The following ANP32B variants were observed in gnomAD, a reference collection of about 807,000 sequenced individuals.
The protein encoded by ANP32B is acidic nuclear phosphoprotein 32 family member B.
Under a neutral mutation model 32.2 loss-of-function variants are expected in ANP32B, and 6 were observed. The observed-to-expected ratio is 0.19, with a 90% CI of 0.10 to 0.37. ANP32B has a LOEUF of 0.37. Ranked by LOEUF, ANP32B falls within the 10% of genes least tolerant of loss-of-function variation. The pLI, the probability that ANP32B is intolerant of heterozygous loss-of-function variation, is 1.00. For synonymous variants in ANP32B, 98 were observed against 105.8 expected, an observed-to-expected ratio of 0.93 and a Z score of 0.45; for missense variants, 204 against 289.2, an observed-to-expected ratio of 0.71 and a Z score of 2.14.
intron 1 of ANP32B, among the ~76,000 whole-genome samples, chr9:97,984,079 G>A (rs943279409): frequency 6.7e-6 from 1 of 149,954 alleles, no homozygotes; most frequent in Non-Finnish European, 1.5e-5. Flanking sequence ...CGCGGGTGGG[G>A]CGGGACGGGG....
At chr9:98,013,152 A>G (rs1421535581) in intron 6 of ANP32B, among the ~76,000 whole-genome samples, 1 of 152,170 alleles carries the variant, frequency 6.6e-6, no homozygotes, top group Non-Finnish European at 1.5e-5. Context: ...CCTCCTCAGT[A>G]GCTGGGATTA....
intron 1 of ANP32B, among the ~76,000 whole-genome samples, chr9:97,988,896 T>G (rs1437571486): frequency 6.6e-6 from 1 of 152,212 alleles, no homozygotes; most frequent in African/African-American, 2.4e-5. Context: ...CCAGTATTGT[T>G]CTAATTAAAA....
intron 4 of ANP32B, among the ~76,000 whole-genome samples, chr9:98,010,262 G>GTGTT (rs1564141451): frequency 7.2e-6 from 1 of 138,832 alleles, no homozygotes; most frequent in Non-Finnish European, 1.6e-5. Flanking sequence ...GAGAAATGGT[G>GTGTT]TTTTTTTTTT....
At chr9:97,995,044 C>T (rs1028670501) in intron 2 of ANP32B, among the ~76,000 whole-genome samples, 2 of 152,170 alleles carry the variant, frequency 1.3e-5, no homozygotes, top group Non-Finnish European at 2.9e-5. Flanking sequence ...GGAAATAATG[C>T]ATGTTGGGTG....
intron 5 of ANP32B, 125 bp downstream of exon 5, chr9:98,011,514 T>C (rs1348325774): frequency 1.5e-6 from 2 of 1,330,158 alleles, no homozygotes; most frequent in African/African-American, 3.0e-5. Context: ...GTGAATACAT[T>C]TACAATATGA....
At chr9:97,996,192 G>C (rs1827903278) in intron 2 of ANP32B, among the ~76,000 whole-genome samples, 1 of 152,080 alleles carries the variant, frequency 6.6e-6, no homozygotes, top group Admixed American at 6.5e-5. Context: ...TAGCTTTTTA[G>C]CATCTATTTA....
chr9:97,983,458 A>C lies in ANP32B; in HGVS notation c.-98A>C. 1 of 1,163,816 alleles carries C rather than the reference A, an allele frequency of 8.6e-7. No individual in the cohort carries two copies. The highest frequency in any genetic ancestry group is 1.2e-6 in the Non-Finnish European group (1 of 813,422). The allele number at this position is 1,163,816 out of a possible 1,614,324, so 72.1% of individuals were successfully genotyped here. On this transcript the variant is annotated 5_prime_UTR_variant, in exon 1 of 7. Coordinates refer to ENST00000339399, the MANE Select transcript of ANP32B (RefSeq NM_006401.3). ...GCGCCGCCGGCCTCCGCCGCTAGCA[A>C]ACCCTTCCGACGGCCCTCGCTGCGC...
At chr9:98,005,605 A>G (rs539133886) in intron 4 of ANP32B, among the ~76,000 whole-genome samples, 2 of 152,212 alleles carry the variant, frequency 1.3e-5, no homozygotes, top group East Asian at 3.9e-4. Flanking sequence ...TTTTGAATGT[A>G]GGCATTCCAT....
Position 97,994,634 on chromosome 9 carries a change from C to T in ANP32B, c.58C>T (p.Arg20Ter). ...CTTTTTTCTTTGTCATCCACAGGTT[C>T]GAGAACTTGTCTTGGACAATTGCAA... ...ELRNRTPAAV[R>*]ELVLDNCKSN... is the part of the protein sequence containing the mutation. The change falls in exon 2 of 7, where the codon CGA becomes TGA. Residue 20 changes from arginine (R) to a stop codon, truncating the protein, a stop_gained. Coordinates refer to ENST00000339399, the MANE Select transcript of ANP32B (RefSeq NM_006401.3). LOFTEE classifies it high-confidence loss of function. 6.2e-7 allele frequency: 1 copy of T among 1,601,016 alleles called. No homozygotes were observed. The highest frequency in any genetic ancestry group is 8.5e-7 in the Non-Finnish European group (1 of 1,176,696).
chr9:97,986,786 G>C (rs1338169826), intron 1 of ANP32B: 1 of 152,190 alleles, frequency 6.6e-6, no homozygotes, highest in Non-Finnish European at 1.5e-5. Flanking sequence ...CCTTGTTGAA[G>C]GTATACTGTT....
intron 4 of ANP32B, among the ~76,000 whole-genome samples, chr9:98,006,405 C>T (rs888847203): frequency 4.6e-5 from 7 of 152,132 alleles, no homozygotes; most frequent in African/African-American, 1.7e-4. Flanking sequence ...CTTCCATCCA[C>T]ACCTCTTTCC....
chr9:97,984,594 C>G (rs969258466), intron 1 of ANP32B: 3 of 150,932 alleles, frequency 2.0e-5, no homozygotes, highest in Non-Finnish European at 4.4e-5. Flanking sequence ...TTGGCGGGTG[C>G]CCGTCTCCCT....
Position 98,015,609 on chromosome 9 carries a change from C to T in ANP32B, c.*178C>T, listed in dbSNP as rs1200454095. The T allele has an allele frequency of 7.6e-7, 1 of 1,323,644 alleles. No homozygotes were observed. Among genetic ancestry groups the T allele is most frequent in the African/African-American group, 1.5e-5 (1 of 67,410 alleles). The allele number at this position is 1,323,644 out of a possible 1,614,324, so 82.0% of individuals were successfully genotyped here. On this transcript the variant is annotated 3_prime_UTR_variant, in exon 7 of 7. Coordinates refer to ENST00000339399, the MANE Select transcript of ANP32B (RefSeq NM_006401.3). The stretch of plus-strand genomic sequence containing the variant: ...TCCGCCTTCCTTCCATGTAGTCCCT[C>T]TTGGTAATCTACCACCAAGCTTGTG...
At chr9:97,988,744 T>C (rs1446744492) in intron 1 of ANP32B, among the ~76,000 whole-genome samples, 1 of 151,982 alleles carries the variant, frequency 6.6e-6, no homozygotes, top group Non-Finnish European at 1.5e-5. Context: ...AATAAAATAA[T>C]AAAAAGTTCT....
chr9:98,002,872 C>T (rs1370129978), intron 3 of ANP32B, among the ~76,000 whole-genome samples: 2 of 152,120 alleles, frequency 1.3e-5, no homozygotes, highest in Non-Finnish European at 2.9e-5. Context: ...GGAAATAATT[C>T]TGAAATATAA....
intron 3 of ANP32B, among the ~76,000 whole-genome samples, chr9:98,000,036 T>C (rs1032050153): frequency 3.3e-5 from 5 of 152,256 alleles, no homozygotes; most frequent in Admixed American, 6.5e-5. Flanking sequence ...TAGCTTCTTT[T>C]AATGAAGAGG....
chr9:98,009,447 C>T (rs1828142849), intron 4 of ANP32B, among the ~76,000 whole-genome samples: 2 of 152,218 alleles, frequency 1.3e-5, no homozygotes, highest in African/African-American at 2.4e-5. Flanking sequence ...AGTTTTTCCA[C>T]AGATGCAGGG....
rs991523817 is a variant in ANP32B at position 97,998,586 on chromosome 9, G to A, written c.235G>A (p.Gly79Ser). 6.2e-7 allele frequency: 1 copy of A among 1,610,784 alleles called. No individual in the cohort carries two copies. Among genetic ancestry groups the A allele is most frequent in the African/African-American group, 1.3e-5 (1 of 74,774 alleles). ...LELSENRIFG[G>S]LDMLAEKLPN... ...ACTCAGTGAAAATAGAATCTTTGGAGGTCTGGACATGTTAGCTGAAAAACT... is the reference window on the plus strand; with the variant it reads ...ACTCAGTGAAAATAGAATCTTTGGAAGTCTGGACATGTTAGCTGAAAAACT... The change falls in exon 3 of 7, where the codon GGT becomes AGT. Residue 79 changes from glycine to serine, a missense_variant. Coordinates refer to ENST00000339399, the MANE Select transcript of ANP32B (RefSeq NM_006401.3).
intron 1 of ANP32B, chr9:97,986,819 A>C (rs1418277393): frequency 6.6e-6 from 1 of 152,270 alleles, no homozygotes; most frequent in African/African-American, 2.4e-5. Context: ...GGATGCCCTG[A>C]AATATACAGC....
Sources: gnomAD v4.1 joint callset for allele counts (sites outside exome capture counted in the v4.1 genomes callset) on GRCh38, gnomAD v4.1.1 for gene constraint, MANE v1.5 for transcripts, NCBI Gene and HGNC (gene_info 2026-07-23, HGNC 2026-07-21) for gene names.